The following ASXL3 variants were observed in gnomAD, a reference collection of about 807,000 sequenced individuals.
ASXL3 encodes putative Polycomb group protein ASXL3.
Under a neutral mutation model 170.6 loss-of-function variants are expected in ASXL3, and 34 were observed. That is an observed-to-expected ratio of 0.20 (90% CI 0.15 to 0.27). The LOEUF is 0.27. ASXL3 is among the 10% of genes least tolerant of loss of function. The probability of loss-of-function intolerance (pLI) is 1.00; values close to 1 mark genes in which losing one functional copy is unlikely to be tolerated. For missense variants in ASXL3, 2,592 were observed against 2,695.3 expected, an observed-to-expected ratio of 0.96 and a Z score of 0.85; for synonymous variants, 1,002 against 989.1, an observed-to-expected ratio of 1.01 and a Z score of -0.24.
intron 1 of ASXL3, among the ~76,000 whole-genome samples, chr18:33,582,334 C>T (rs934171686): frequency 6.6e-6 from 1 of 152,122 alleles, no homozygotes; most frequent in Non-Finnish European, 1.5e-5. Flanking sequence ...TTTGACAGGA[C>T]TTTGTTTTAC....
At chr18:33,606,651 A>G (rs2065252941) in intron 1 of ASXL3, among the ~76,000 whole-genome samples, 1 of 152,026 alleles carries the variant, frequency 6.6e-6, no homozygotes, top group African/African-American at 2.4e-5. Flanking sequence ...TCTCTAAGTT[A>G]CAAGAGGCCA....
intron 1 of ASXL3, among the ~76,000 whole-genome samples, chr18:33,606,603 T>G (rs978922323): frequency 2.0e-5 from 3 of 152,006 alleles, no homozygotes; most frequent in African/African-American, 7.2e-5. Context: ...TCTTAATAAT[T>G]ATGATTCTTC....
At chr18:33,602,242 A>G (rs563414487) in intron 1 of ASXL3, among the ~76,000 whole-genome samples, 6 of 152,074 alleles carry the variant, frequency 3.9e-5, no homozygotes, top group Non-Finnish European at 8.8e-5. Flanking sequence ...TTCTATGGAA[A>G]AATTGTCTTC....
intron 1 of ASXL3, among the ~76,000 whole-genome samples, chr18:33,589,881 T>C (rs1568265251): frequency 6.6e-6 from 1 of 152,312 alleles, no homozygotes; most frequent in South Asian, 2.1e-4. Flanking sequence ...TATTGCTTAA[T>C]CCTGTGAGTA....
rs745776273 is a variant in ASXL3 at position 33,739,082 on chromosome 18, G to A, written c.1678G>A (p.Glu560Lys). ...TCATGTCAGTGACACAGAACATAAGGAGTCAGAAACTGCAGTAGAGACCAG... is the reference window on the plus strand; with the variant it reads ...TCATGTCAGTGACACAGAACATAAGAAGTCAGAAACTGCAGTAGAGACCAG... ...MTHVSDTEHKESETAVETSTP... is the reference protein window; with the variant it reads ...MTHVSDTEHKKSETAVETSTP... The change falls in exon 11 of 12, where the codon GAG becomes AAG. Residue 560 changes from glutamate (E) to lysine (K), a missense_variant. Physicochemically the swap from Glu to Lys is moderately conservative, Grantham distance 56 (BLOSUM62 1). Transcript: ENST00000269197. The A allele has an allele frequency of 4.6e-5, 75 of 1,613,090 alleles. No homozygotes were observed. Among genetic ancestry groups the A allele is most frequent in the Non-Finnish European group, 6.2e-5 (73 of 1,179,654 alleles).
In ASXL3 at chr18:33,740,369, C is replaced by T. The variant is rs190659120; in HGVS notation, c.2965C>T (p.Arg989Trp). The stretch of plus-strand genomic sequence containing the variant: ...TAGGATAGAAGATGATCAGTCAACC[C>T]GGAACATATCATCTAGCAGCCCACC... ...RARIEDDQSTRNISSSSPPEK... is the reference protein window; with the variant it reads ...RARIEDDQSTWNISSSSPPEK... Residue 989 changes from arginine (R) to tryptophan (W), a missense_variant, in exon 11 of 12, where the codon CGG becomes TGG. Arg to Trp is a moderately radical substitution (Grantham distance 101). Around this residue, in one of 4 missense-constraint regions of ASXL3, gnomAD observed 2,246 missense variants for 2,219.6 expected, o/e 1.01. Transcript: ENST00000269197. 36 of 1,609,450 alleles carry T rather than the reference C, an allele frequency of 2.2e-5. No homozygotes were observed. Among genetic ancestry groups the T allele is most frequent in the Non-Finnish European group, 2.8e-5 (33 of 1,178,174 alleles).
intron 2 of ASXL3, among the ~76,000 whole-genome samples, chr18:33,612,881 G>GA (rs909397492): frequency 6.6e-6 from 1 of 152,010 alleles, no homozygotes; most frequent in Admixed American, 6.6e-5. Flanking sequence ...CTTTAATACT[G>GA]AAATGGTGGT....
In ASXL3 at chr18:33,644,895, G is replaced by T; in HGVS notation, c.139G>T (p.Gly47Ter). Residue 47 changes from glycine to a stop codon, truncating the protein, a stop_gained and splice_region_variant, in exon 3 of 12, where the codon GGA becomes TGA. Transcript: ENST00000269197. LOFTEE classifies it high-confidence loss of function. ...TTTTTGCACACTTTTATTTTCTAGT[G>T]GAACCTCTCCATTAGCCTGTCTGAA... is the stretch of plus-strand genomic sequence containing the variant. Reference protein sequence around the residue: ...IQKEGLKETSGTSPLACLNAM... With the variant: ...IQKEGLKETS The T allele has an allele frequency of 6.4e-7, 1 of 1,554,172 alleles. No individual in the cohort carries two copies. Among genetic ancestry groups the T allele is most frequent in the East Asian group, 2.4e-5 (1 of 42,512 alleles).
chr18:33,739,755 A>C lies in ASXL3; in HGVS notation c.2351A>C (p.Asp784Ala). Residue 784 changes from aspartate (D) to alanine (A), a missense_variant, in exon 11 of 12, where the codon GAT becomes GCT. This residue lies in a region of ASXL3 where 2,246 missense variants were observed against 2,219.6 expected (regional missense o/e 1.01). Coordinates refer to ENST00000269197, the MANE Select transcript of ASXL3 (RefSeq NM_030632.3). ...VSEEPLSPQKDESSATAKPLG... is the reference protein window; with the variant it reads ...VSEEPLSPQKAESSATAKPLG... ...GAAGAGCCACTCTCCCCGCAGAAAG[A>C]TGAGTCTTCCGCCACTGCCAAACCT... The C allele has an allele frequency of 6.2e-7, 1 of 1,613,870 alleles. No individual in the cohort carries two copies. The highest frequency in any genetic ancestry group is 2.2e-5 in the East Asian group (1 of 44,856).
chr18:33,611,164 A>G (rs544170685), intron 2 of ASXL3, among the ~76,000 whole-genome samples: 3 of 152,154 alleles, frequency 2.0e-5, no homozygotes, highest in South Asian at 2.1e-4. Context: ...TTTTTACATC[A>G]TGTTCTGTGT....
In ASXL3 at chr18:33,740,062, T is replaced by C. The variant is rs201837727; in HGVS notation, c.2658T>C (p.Phe886=). Residue 886 remains phenylalanine (F), a synonymous_variant, in exon 11 of 12, where the codon TTT becomes TTC. Coordinates refer to ENST00000269197, the MANE Select transcript of ASXL3 (RefSeq NM_030632.3). Reference sequence around the variant, plus strand: ...CTTCACCATTGGAATTATCTGTCTTTTCTGAAGGGACAGATAATAAGGGAA... The same window carrying C: ...CTTCACCATTGGAATTATCTGTCTTCTCTGAAGGGACAGATAATAAGGGAA... ...VLPSPLELSV[F]SEGTDNKGNE... 161 of 1,613,986 alleles carry C rather than the reference T, an allele frequency of 1.0e-4. No homozygotes were observed. The highest frequency in any genetic ancestry group is 6.6e-4 in the Middle Eastern group (4 of 6,062).
At chr18:33,610,860 C>T (rs1211244226) in intron 2 of ASXL3, among the ~76,000 whole-genome samples, 2 of 151,970 alleles carry the variant, frequency 1.3e-5, no homozygotes, top group African/African-American at 2.4e-5. Context: ...GTGGAAATCC[C>T]ATTAAATATA....
At chr18:33,659,177 C>T (rs986666168) in intron 4 of ASXL3, among the ~76,000 whole-genome samples, 5 of 151,958 alleles carry the variant, frequency 3.3e-5, no homozygotes, top group Admixed American at 6.6e-5. Flanking sequence ...AGGAGGGATG[C>T]GAGGCCTCAA....
Position 33,744,131 on chromosome 18 carries a change from G to T in ASXL3, c.4283G>T (p.Ser1428Ile), listed in dbSNP as rs754052959. The change falls in exon 12 of 12, where the codon AGT (serine) becomes ATT (isoleucine). Residue 1428 changes from serine (S) to isoleucine (I), a missense_variant. Physicochemically the swap from Ser to Ile is moderately radical, Grantham distance 142. Around this residue, in one of 4 missense-constraint regions of ASXL3, gnomAD observed 2,246 missense variants for 2,219.6 expected, o/e 1.01. Coordinates refer to ENST00000269197, the MANE Select transcript of ASXL3 (RefSeq NM_030632.3). ...GNMLTINSYD[S>I]PPKLSAESLD... is the part of the protein sequence containing the mutation. ...ATGCTGACAATAAACTCTTATGATA[G>T]TCCTCCCAAGTTAAGTGCTGAAAGC... 6.2e-7 allele frequency: 1 copy of T among 1,613,990 alleles called. No homozygotes were observed. The highest frequency in any genetic ancestry group is 1.7e-5 in the Admixed American group (1 of 60,028).
intron 7 of ASXL3, among the ~76,000 whole-genome samples, chr18:33,674,417 A>G (rs757582567): frequency 3.9e-5 from 6 of 152,218 alleles, no homozygotes; most frequent in Non-Finnish European, 7.3e-5. Flanking sequence ...CAATTCTGTC[A>G]AAAATAAACT....
chr18:33,588,920 T>C (rs890247483), intron 1 of ASXL3, among the ~76,000 whole-genome samples: 30 of 152,212 alleles, frequency 2.0e-4, no homozygotes, highest in African/African-American at 7.0e-4. Flanking sequence ...GTCAGTGTTA[T>C]ACATTCTTAT....
At chr18:33,652,146 C>T (rs1239289674) in intron 4 of ASXL3, among the ~76,000 whole-genome samples, 4 of 151,916 alleles carry the variant, frequency 2.6e-5, no homozygotes, top group Non-Finnish European at 1.5e-5. Flanking sequence ...ATCTGTGCCA[C>T]CCAAGTAAAA....
intron 5 of ASXL3, 107 bp from the exon 6 acceptor site, chr18:33,670,566 C>T (rs2066324244): frequency 4.1e-6 from 3 of 724,072 alleles, no homozygotes; most frequent in Non-Finnish European, 2.1e-6. Context: ...GAATTTAAGT[C>T]TCTTAAGAGG....
At chr18:33,706,199 G>C (rs1344455002) in intron 8 of ASXL3, among the ~76,000 whole-genome samples, 1 of 151,284 alleles carries the variant, frequency 6.6e-6, no homozygotes, top group African/African-American at 2.4e-5. Flanking sequence ...AATACAAAGG[G>C]CTTCTAAAAA....
Sources: allele counts gnomAD v4.1 joint callset (sites outside exome capture counted in the v4.1 genomes callset), GRCh38; gene constraint gnomAD v4.1.1; regional missense constraint gnomAD v4.1.1; transcripts MANE v1.5; gene names NCBI Gene and HGNC (gene_info 2026-07-23, HGNC 2026-07-21).